CADM2: variants seen among roughly 807,000 people sequenced by gnomAD.
CADM2 encodes cell adhesion molecule 2.
A neutral mutation model predicts 49.8 loss-of-function variants in CADM2; 12 were observed. That is an observed-to-expected ratio of 0.24 (90% confidence interval 0.15 to 0.39). CADM2 has a LOEUF of 0.39. Among genes scored for constraint, CADM2 ranks in the 10% least tolerant of loss-of-function variants. The pLI, the probability that CADM2 is intolerant of heterozygous loss-of-function variation, is 1.00. For synonymous variants in CADM2, 214 were observed against 175.4 expected (o/e 1.22, Z -1.74); for missense variants, 378 against 492.3 (o/e 0.77, Z 2.20).
At chr3:85,844,521 C>A (rs1000331504) in intron 3 of CADM2, among the ~76,000 whole-genome samples, 2 of 151,956 alleles carry the variant, frequency 1.3e-5, no homozygotes, top group Admixed American at 6.6e-5. Context: ...GCATTAGAAA[C>A]AAATGCAACT....
chr3:85,535,292 G>T (rs1410483240), intron 1 of CADM2, among the ~76,000 whole-genome samples: 4 of 152,122 alleles, frequency 2.6e-5, no homozygotes, highest in African/African-American at 7.2e-5. Context: ...TCAGAAGGTG[G>T]ATATGACAGG....
intron 1 of CADM2, among the ~76,000 whole-genome samples, chr3:85,003,948 C>T (rs1296814642): frequency 6.6e-6 from 1 of 152,030 alleles, no homozygotes; most frequent in African/African-American, 2.4e-5. Context: ...GTAATTATAG[C>T]TTCAAAATTA....
intron 1 of CADM2, among the ~76,000 whole-genome samples, chr3:85,565,075 G>T (rs1405355556): frequency 2.0e-5 from 3 of 152,044 alleles, no homozygotes; most frequent in Non-Finnish European, 4.4e-5. Context: ...CTGGGTTATG[G>T]TGTTCTTAAT....
chr3:85,932,927 G>A (rs778457758), intron 6 of CADM2, among the ~76,000 whole-genome samples: 27 of 152,068 alleles, frequency 1.8e-4, no homozygotes, highest in Non-Finnish European at 2.5e-4. Context: ...CTGCTTTGGC[G>A]TTTGCTTATA....
chr3:86,005,384 C>T (rs962204946), intron 8 of CADM2, among the ~76,000 whole-genome samples: 14 of 152,066 alleles, frequency 9.2e-5, no homozygotes, highest in Admixed American at 7.2e-4. Context: ...AACCCCATTC[C>T]TATTAAAAAT....
chr3:85,641,797 G>A (rs1007074981), intron 1 of CADM2, among the ~76,000 whole-genome samples: 8 of 151,824 alleles, frequency 5.3e-5, no homozygotes, highest in African/African-American at 1.7e-4. Flanking sequence ...CAGGTGTGGT[G>A]GCAGGCGCCT....
At chr3:86,062,795 T>C (rs920778050) in intron 8 of CADM2, among the ~76,000 whole-genome samples, 2 of 150,446 alleles carry the variant, frequency 1.3e-5, no homozygotes, top group Non-Finnish European at 3.0e-5. Flanking sequence ...CGAAACATAG[T>C]GTGTATTGTT....
At chr3:85,786,417 C>T (rs1451274086) in intron 2 of CADM2, among the ~76,000 whole-genome samples, 2 of 151,804 alleles carry the variant, frequency 1.3e-5, no homozygotes, top group Non-Finnish European at 2.9e-5. Context: ...GGTAATGTTC[C>T]CCTAGATCTA....
chr3:86,060,114 T>C (rs1738440660), intron 8 of CADM2, among the ~76,000 whole-genome samples: 1 of 152,078 alleles, frequency 6.6e-6, no homozygotes, highest in Non-Finnish European at 1.5e-5. Context: ...TCTTCAAAAG[T>C]TATGTTAATC....
chr3:85,162,651 C>T (rs2040361677), intron 1 of CADM2, among the ~76,000 whole-genome samples: 1 of 151,952 alleles, frequency 6.6e-6, no homozygotes, highest in Admixed American at 6.6e-5. Context: ...ATTTCAATGA[C>T]ATCTATACAC....
intron 1 of CADM2, among the ~76,000 whole-genome samples, chr3:85,008,913 A>G (rs1303188264): frequency 5.3e-5 from 8 of 152,192 alleles, no homozygotes; most frequent in Non-Finnish European, 1.5e-5. Context: ...TTTAGTTTGC[A>G]TTTTAGAGAA....
intron 8 of CADM2, among the ~76,000 whole-genome samples, chr3:86,060,108 C>A (rs1738440022): frequency 6.6e-6 from 1 of 151,728 alleles, no homozygotes. Context: ...TTAATTTCTT[C>A]AAAAGTTATG....
chr3:85,555,128 A>G (rs2061927531), intron 1 of CADM2, among the ~76,000 whole-genome samples: 1 of 152,152 alleles, frequency 6.6e-6, no homozygotes, highest in Non-Finnish European at 1.5e-5. Context: ...GTAAAGTAAA[A>G]TGTAGTTAGG....
chr3:85,951,928 G>C (rs1268654330), intron 7 of CADM2, among the ~76,000 whole-genome samples: 1 of 150,980 alleles, frequency 6.6e-6, no homozygotes, highest in Non-Finnish European at 1.5e-5. Flanking sequence ...CTGATTGACT[G>C]GATCCTAAGA....
intron 1 of CADM2, among the ~76,000 whole-genome samples, chr3:85,441,631 T>C (rs1206438977): frequency 6.6e-6 from 1 of 152,096 alleles, no homozygotes; most frequent in African/African-American, 2.4e-5. Context: ...AATATGACAG[T>C]ATTGCCTAAG....
Position 85,721,950 on chromosome 3 carries a change from C to G in CADM2, c.62-4572C>G, listed in dbSNP as rs192567001. Among the ~76,000 whole-genome samples the G allele has an allele frequency of 8.5e-5, 13 of 152,306 alleles. No homozygotes were observed. The East Asian group carries it at 2.3e-3, about 27-fold the overall frequency. On this transcript the variant is annotated intron_variant, in intron 1 of 9. Coordinates refer to ENST00000383699, the MANE Select transcript of CADM2 (RefSeq NM_001167675.2). The stretch of plus-strand genomic sequence containing the variant: ...GGAGGGTGAGCAAGTTGAGGAGGAG[C>G]TTTATTGAGCAACAATAGGTCAGAG...
At chr3:85,175,812 CAAG>C (rs1388137456) in intron 1 of CADM2, among the ~76,000 whole-genome samples, 2 of 148,808 alleles carry the variant, frequency 1.3e-5, no homozygotes, top group Non-Finnish European at 3.0e-5. Flanking sequence ...TGAAGTATTA[CAAG>C]AAGCGGAGTA....
intron 1 of CADM2, among the ~76,000 whole-genome samples, chr3:85,294,987 A>G (rs1001047919): frequency 6.6e-6 from 1 of 152,074 alleles, no homozygotes; most frequent in Admixed American, 6.6e-5. Flanking sequence ...AGAAACTACC[A>G]TCAGAGTGAA....
At chr3:85,659,923 T>A (rs2065347474) in intron 1 of CADM2, among the ~76,000 whole-genome samples, 1 of 152,100 alleles carries the variant, frequency 6.6e-6, no homozygotes, top group Admixed American at 6.6e-5. Flanking sequence ...GCGCAAGACT[T>A]CAATTTAAAA....
Sources: allele counts gnomAD v4.1 joint callset (sites outside exome capture counted in the v4.1 genomes callset), GRCh38; gene constraint gnomAD v4.1.1; transcripts MANE v1.5; gene names NCBI Gene and HGNC (gene_info 2026-07-23, HGNC 2026-07-21).